SPNS3: variants seen among roughly 807,000 people sequenced by gnomAD.
SPNS3 encodes the protein protein spinster homolog 3.
In SPNS3, 51 loss-of-function variants were observed where a neutral mutation model predicts 54.4. That is an observed-to-expected ratio of 0.94 (90% CI 0.75 to 1.18). The LOEUF is 1.18. Among genes scored for constraint, SPNS3 ranks in the 50% most tolerant of loss-of-function variants. SPNS3 has a pLI of 0.00. For synonymous variants in SPNS3, 309 were observed against 294.7 expected (o/e 1.05, Z -0.50); for missense variants, 669 against 677.4 (o/e 0.99, Z 0.14).
intron 2 of SPNS3, 38 bp downstream of exon 2, chr17:4,439,761 G>C (rs776601171): frequency 1.3e-4 from 198 of 1,577,016 alleles, no homozygotes; most frequent in Non-Finnish European, 1.6e-4. Flanking sequence ...GGGGCCCTGG[G>C]TTCATGCTGG....
At position 4,458,588 on chromosome 17, in the gene SPNS3, C is replaced by CCTTTCTTTCTTT. The variant is rs1188233610; in HGVS notation, c.1113+5433_1113+5444dup. 3.0e-3 allele frequency among the ~76,000 whole-genome samples: 177 copies of CCTTTCTTTCTTT among 58,790 alleles called. 1 individual carries two copies. Among genetic ancestry groups the CCTTTCTTTCTTT allele is most frequent in the South Asian group, 4.1e-3 (6 of 1,462 alleles). The allele number at this position is 58,790 out of a possible 152,430, so 38.6% of individuals were successfully genotyped here. ...TCCCTCCTTTCTTTCTTCCTTCCCT[C>CCTTTCTTTCTTT]CTTTCTTTCTTTCTTTCTTTCTTTC... On this transcript the variant is annotated intron_variant, in intron 8 of 11. Coordinates refer to ENST00000355530, the MANE Select transcript of SPNS3 (RefSeq NM_182538.5).
At chr17:4,478,446 C>CATTG in intron 8 of SPNS3, 126 bp from the exon 9 acceptor site, 1 of 829,678 alleles carries the variant, frequency 1.2e-6, no homozygotes, top group East Asian at 2.7e-5. Flanking sequence ...CTCGCTCACT[C>CATTG]CAATAAGTCT....
At chr17:4,487,498 G>T (rs1321773685) in intron 11 of SPNS3, among the ~76,000 whole-genome samples, 1 of 152,224 alleles carries the variant, frequency 6.6e-6, no homozygotes, top group Non-Finnish European at 1.5e-5. Context: ...CTGCTGTGGG[G>T]CTTCCAGGAG....
intron 7 of SPNS3, among the ~76,000 whole-genome samples, chr17:4,450,742 A>G (rs1048439602): frequency 6.7e-6 from 1 of 148,532 alleles, no homozygotes; most frequent in Non-Finnish European, 1.5e-5. Flanking sequence ...GATTACAGGC[A>G]TGTGCTACCA....
At position 4,486,160 on chromosome 17, in the gene SPNS3, C is replaced by A; in HGVS notation, c.1180-68C>A. The A allele has an allele frequency of 7.2e-7, 1 of 1,394,958 alleles. No homozygotes were observed. Among genetic ancestry groups the A allele is most frequent in the Non-Finnish European group, 9.5e-7 (1 of 1,053,428 alleles). 86.4% of individuals were successfully genotyped at this position (1,394,958 alleles called of 1,614,324 possible). ...GTCACTCCTCCAGGCAGGTCCTTGG[C>A]AGGTGGGGAACAGCAGGCAAGGGTG... On this transcript the variant is annotated intron_variant, in intron 9 of 11. Transcript: ENST00000355530. This position sits in a 1 kb window ranked among gnomAD's most constrained non-coding sequence, Gnocchi z 5.5.
chr17:4,470,152 G>A (rs1227037566), intron 8 of SPNS3, among the ~76,000 whole-genome samples: 2 of 152,166 alleles, frequency 1.3e-5, no homozygotes, highest in Non-Finnish European at 1.5e-5. Context: ...TATCAGGCCA[G>A]GCACAGTGAC....
chr17:4,474,462 T>C (rs971720685), intron 8 of SPNS3, among the ~76,000 whole-genome samples: 6 of 151,854 alleles, frequency 4.0e-5, no homozygotes, highest in African/African-American at 1.5e-4. Context: ...ATACTGGCCT[T>C]CTCCCTTCTC....
chr17:4,473,916 T>G (rs547030422), intron 8 of SPNS3, among the ~76,000 whole-genome samples: 41 of 152,214 alleles, frequency 2.7e-4, no homozygotes, highest in Middle Eastern at 6.8e-3. Context: ...TCCCCAACTC[T>G]GGGAAGCGTT....
chr17:4,446,325 C>A, intron 4 of SPNS3, 126 bp downstream of exon 4: 3 of 1,019,356 alleles, frequency 2.9e-6, no homozygotes, highest in South Asian at 1.7e-5. Context: ...CCAATGCTAC[C>A]CCTCCCTCAC....
At chr17:4,484,254 TG>T (rs1437223950) in intron 9 of SPNS3, among the ~76,000 whole-genome samples, 1 of 152,182 alleles carries the variant, frequency 6.6e-6, no homozygotes, top group Non-Finnish European at 1.5e-5. Context: ...CTCCCTCTCA[TG>T]GGTTGTTCAA....
chr17:4,478,703 T>C (rs760992164), intron 9 of SPNS3, 66 bp downstream of exon 9: 82 of 1,515,060 alleles, frequency 5.4e-5, no homozygotes, highest in Non-Finnish European at 7.2e-5. Flanking sequence ...CCTCTGCTGC[T>C]GAGCAGCTGG....
At chr17:4,444,119 A>G (rs985749201) in intron 2 of SPNS3, among the ~76,000 whole-genome samples, 2 of 152,186 alleles carry the variant, frequency 1.3e-5, no homozygotes, top group East Asian at 1.9e-4. Context: ...AAATAAAAGT[A>G]TAAATGCAGC....
At chr17:4,452,118 A>G (rs1971183431) in intron 7 of SPNS3, among the ~76,000 whole-genome samples, 1 of 151,404 alleles carries the variant, frequency 6.6e-6, no homozygotes, top group South Asian at 2.1e-4. Context: ...TTGCTCACCT[A>G]TCCATCTGGG....
intron 1 of SPNS3, 96 bp from the exon 2 acceptor site, chr17:4,439,562 T>A (rs375198252): frequency 1.8e-6 from 2 of 1,089,678 alleles, no homozygotes; most frequent in African/African-American, 3.1e-5. Context: ...TGTGCTGTGC[T>A]GGTCAGCTGT....
At chr17:4,458,117 C>T (rs1022707814) in intron 8 of SPNS3, among the ~76,000 whole-genome samples, 19 of 152,200 alleles carry the variant, frequency 1.2e-4, no homozygotes, top group Non-Finnish European at 2.5e-4. Context: ...TCACAAAGCC[C>T]TTGACCTCTC....
intron 1 of SPNS3, 95 bp from the exon 2 acceptor site, chr17:4,439,562 TG>T: frequency 9.2e-7 from 1 of 1,089,796 alleles, no homozygotes; most frequent in Non-Finnish European, 1.4e-6. Context: ...TGTGCTGTGC[TG>T]GTCAGCTGTG....
intron 8 of SPNS3, among the ~76,000 whole-genome samples, chr17:4,456,201 C>T (rs1316502672): frequency 2.6e-5 from 4 of 152,172 alleles, no homozygotes; most frequent in Admixed American, 2.6e-4. Context: ...ATCTGCCCAT[C>T]TCAGCCTCCC....
chr17:4,478,761 T>A, intron 9 of SPNS3, 124 bp downstream of exon 9: 1 of 903,970 alleles, frequency 1.1e-6, no homozygotes, highest in Non-Finnish European at 1.7e-6. Flanking sequence ...CCAAAGCCAT[T>A]CACGGTTATC....
In SPNS3 at chr17:4,488,195, T is replaced by C; in HGVS notation, c.*301T>C. 1 of 402,178 alleles carries C rather than the reference T, an allele frequency of 2.5e-6. No homozygotes were observed. The highest frequency in any genetic ancestry group is 4.6e-6 in the Non-Finnish European group (1 of 217,920). The allele number at this position is 402,178 out of a possible 1,614,324, so 24.9% of individuals were successfully genotyped here. On this transcript the variant is annotated 3_prime_UTR_variant, in exon 12 of 12. Coordinates refer to ENST00000355530, the MANE Select transcript of SPNS3 (RefSeq NM_182538.5). ...AGGCCAGTACAAAGCCCATGGATTTTGGGCCTGTAGACAGCCGTGTTATTT... is the reference window on the plus strand; with the variant it reads ...AGGCCAGTACAAAGCCCATGGATTTCGGGCCTGTAGACAGCCGTGTTATTT...
Sources: gnomAD v4.1 joint callset for allele counts (sites outside exome capture counted in the v4.1 genomes callset) on GRCh38, gnomAD v4.1.1 for gene constraint, Gnocchi (gnomAD v3.1) non-coding constraint, MANE v1.5 for transcripts, NCBI Gene and HGNC (gene_info 2026-07-23, HGNC 2026-07-21) for gene names.